The following WDR36 variants were observed in gnomAD, a reference collection of about 807,000 sequenced individuals.
The protein encoded by WDR36 is WD repeat domain 36.
In WDR36, 63 loss-of-function variants were observed where a neutral mutation model predicts 112.7. The ratio of observed to expected loss-of-function variants is 0.56; its 90% CI spans 0.46 to 0.69. The LOEUF (loss-of-function observed/expected upper bound fraction) is 0.69, where lower values mean the gene tolerates loss of function less well. Among genes scored for constraint, WDR36 ranks in the 30% least tolerant of loss-of-function variants. The pLI, the probability that WDR36 is intolerant of heterozygous loss-of-function variation, is 0.00. For synonymous variants in WDR36, 410 were observed against 362.2 expected, an observed-to-expected ratio of 1.13 and a Z score of -1.50; for missense variants, 1,226 against 1,070.3, an observed-to-expected ratio of 1.15 and a Z score of -2.03.
At chr5:111,098,598 C>G in intron 3 of WDR36, 124 bp from the exon 4 acceptor site, 2 of 723,092 alleles carry the variant, frequency 2.8e-6, no homozygotes, top group South Asian at 3.1e-5. Flanking sequence ...CTTGAATAAT[C>G]AAAAGTTGGG....
chr5:111,104,437 C>G (rs1753183881), intron 8 of WDR36, 85 bp downstream of exon 8: 1 of 1,562,276 alleles, frequency 6.4e-7, no homozygotes, highest in Admixed American at 1.7e-5. Flanking sequence ...TATCAGCTTT[C>G]AACCTAGAAG....
chr5:111,108,766 C>A (rs947675791), intron 12 of WDR36, among the ~76,000 whole-genome samples: 1 of 151,202 alleles, frequency 6.6e-6, no homozygotes. Flanking sequence ...TGCCTAAGAT[C>A]AATGAAGCGA....
rs1753188025 is a variant in WDR36, at chr5:111,104,626, A to G, written c.907-71A>G. 5.0e-6 allele frequency: 8 copies of G among 1,606,548 alleles called. No individual in the cohort carries two copies. The Admixed American group carries it at 6.7e-5, about 13-fold the overall frequency. ...CTACTCAATACCAGTTGATTTATGT[A>G]GGGGGTGATTTGACTGCTTGCAGAT... On this transcript the variant is annotated intron_variant, in intron 8 of 22. Transcript: ENST00000513710.
chr5:111,123,762 G>A (rs200489712), intron 19 of WDR36, 43 bp from the exon 20 acceptor site: 28 of 1,607,400 alleles, frequency 1.7e-5, no homozygotes, highest in South Asian at 2.2e-5. Flanking sequence ...GAAACTGTTG[G>A]CAAGATAATT....
chr5:111,097,935 A>G (rs943772025), intron 3 of WDR36, among the ~76,000 whole-genome samples: 1 of 152,198 alleles, frequency 6.6e-6, no homozygotes, highest in African/African-American at 2.4e-5. Flanking sequence ...GATTTTTAGA[A>G]TTGGAAAAAA....
chr5:111,123,414 A>G (rs1205862850), intron 19 of WDR36, among the ~76,000 whole-genome samples: 2 of 152,220 alleles, frequency 1.3e-5, no homozygotes, highest in Non-Finnish European at 2.9e-5. Context: ...TTTTGTATTA[A>G]GCATTTATGT....
intron 3 of WDR36, 82 bp from the exon 4 acceptor site, chr5:111,098,640 A>T: frequency 1.1e-6 from 1 of 931,908 alleles, no homozygotes; most frequent in Non-Finnish European, 1.8e-6. Context: ...TCTCAGGATT[A>T]GCATGTTTTT....
chr5:111,120,725 G>A, intron 18 of WDR36, 132 bp downstream of exon 18: 2 of 821,934 alleles, frequency 2.4e-6, no homozygotes, highest in South Asian at 1.5e-5. Flanking sequence ...GACTTTGAAT[G>A]ACTTCATGAA....
Position 111,111,169 on chromosome 5 carries a change from G to A in WDR36, c.1608-1G>A, listed in dbSNP as rs1298252687. On this transcript the variant is annotated splice_acceptor_variant, in intron 14 of 22. Coordinates refer to ENST00000513710, the MANE Select transcript of WDR36 (RefSeq NM_139281.3). LOFTEE classifies it high-confidence loss of function. The stretch of plus-strand genomic sequence containing the variant: ...TAAAACTGGTGCATTTATCTTGCTA[G>A]TGGCATTCTGGGACTCGCCTTGGAT... The A allele has an allele frequency of 6.2e-7, 1 of 1,611,626 alleles. No homozygotes were observed. Among genetic ancestry groups the A allele is most frequent in the African/African-American group, 1.3e-5 (1 of 74,910 alleles).
chr5:111,111,366 G>T (rs1485131711), intron 15 of WDR36, 88 bp downstream of exon 15: 1 of 1,039,738 alleles, frequency 9.6e-7, no homozygotes, highest in African/African-American at 1.6e-5. Context: ...ATCATTATAT[G>T]AGGTGGTTAT....
In WDR36 at chr5:111,129,988, T is replaced by C. The variant is rs951624840; in HGVS notation, c.*3105T>C. On this transcript the variant is annotated 3_prime_UTR_variant, in exon 23 of 23. Coordinates refer to ENST00000513710, the MANE Select transcript of WDR36 (RefSeq NM_139281.3). The stretch of plus-strand genomic sequence containing the variant: ...CTGTTTCATTATGTGTTAAATTCTT[T>C]CACTGAGCTCTTCCATATTCCTAGT... The C allele has an allele frequency of 9.5e-6, 2 of 211,562 alleles. No homozygotes were observed. Among genetic ancestry groups the C allele is most frequent in the Non-Finnish European group, 1.9e-5 (2 of 104,464 alleles). The allele number at this position is 211,562 out of a possible 1,614,324, so 13.1% of individuals were successfully genotyped here. A position where few individuals can be genotyped will look rare whatever the true frequency, so the allele number is the denominator to read the frequency against.
Position 111,119,137 on chromosome 5 carries a change from A to G in WDR36, c.1904+17A>G, listed in dbSNP as rs1350664846. On this transcript the variant is annotated intron_variant, in intron 17 of 22. Coordinates refer to ENST00000513710, the MANE Select transcript of WDR36 (RefSeq NM_139281.3). ...TTATCTATGGTAAGTTCTTTCATAC[A>G]GTTCTGTTTTGGGATGAAGAAGATT... The G allele has an allele frequency of 1.9e-6, 3 of 1,580,966 alleles. No individual in the cohort carries two copies. The East Asian group carries it at 6.7e-5, about 35-fold the overall frequency.
chr5:111,116,863 T>A (rs1038939006), intron 16 of WDR36, among the ~76,000 whole-genome samples: 2 of 152,200 alleles, frequency 1.3e-5, no homozygotes, highest in Non-Finnish European at 1.5e-5. Flanking sequence ...GCTCAAGCAG[T>A]AAGCTTTTTA....
At chr5:111,109,995 T>G (rs527333128) in intron 12 of WDR36, among the ~76,000 whole-genome samples, 194 bp from the exon 13 acceptor site, 1 of 151,618 alleles carries the variant, frequency 6.6e-6, no homozygotes, top group African/African-American at 2.4e-5. Context: ...TTTTAAAGAA[T>G]GGAGATAGAA....
intron 16 of WDR36, among the ~76,000 whole-genome samples, chr5:111,114,993 A>G (rs957633255): frequency 5.3e-5 from 8 of 152,054 alleles, no homozygotes; most frequent in Admixed American, 3.3e-4. Flanking sequence ...CTAACCTTTG[A>G]CTCAGCATTA....
intron 3 of WDR36, among the ~76,000 whole-genome samples, chr5:111,097,723 A>T (rs750955100): frequency 6.6e-6 from 1 of 152,204 alleles, no homozygotes; most frequent in African/African-American, 2.4e-5. Context: ...TTGTCCTGGA[A>T]CAACTAGCTT....
chr5:111,110,112 A>G (rs909315847), intron 12 of WDR36, 77 bp from the exon 13 acceptor site: 1 of 989,028 alleles, frequency 1.0e-6, no homozygotes, highest in Non-Finnish European at 1.6e-6. Flanking sequence ...ACAAGTAGAT[A>G]AAAAAATGCT....
At chr5:111,107,557 G>A (rs1580396393) in intron 12 of WDR36, 118 bp downstream of exon 12, 1 of 1,376,080 alleles carries the variant, frequency 7.3e-7, no homozygotes, top group Non-Finnish European at 9.9e-7. Flanking sequence ...ACATTTTAAA[G>A]CATTGCATAA....
intron 16 of WDR36, among the ~76,000 whole-genome samples, chr5:111,118,568 T>C (rs1753502463): frequency 1.3e-5 from 2 of 152,202 alleles, no homozygotes; most frequent in South Asian, 4.1e-4. Context: ...ACTATTCTTA[T>C]TTACATCCAT....
Sources: gnomAD v4.1 joint callset for allele counts (sites outside exome capture counted in the v4.1 genomes callset) on GRCh38, gnomAD v4.1.1 for gene constraint, MANE v1.5 for transcripts, NCBI Gene and HGNC (gene_info 2026-07-23, HGNC 2026-07-21) for gene names.